GPC5: variants seen among roughly 807,000 people sequenced by gnomAD.
The protein encoded by GPC5 is glypican 5.
GPC5 carries 47 observed loss-of-function variants against 53.9 expected under a neutral mutation model. That is an observed-to-expected ratio of 0.87 (90% CI 0.69 to 1.11). The LOEUF (loss-of-function observed/expected upper bound fraction) is 1.11, where lower values mean the gene tolerates loss of function less well. Ranked by LOEUF, GPC5 falls within the 50% of genes most tolerant of loss-of-function variation. The pLI is 0.00. For missense variants in GPC5, 748 were observed against 713.1 expected (o/e 1.05, Z -0.56); for synonymous variants, 286 against 263.3 (o/e 1.09, Z -0.84).
chr13:91,766,901 T>C (rs1177185836), intron 5 of GPC5, among the ~76,000 whole-genome samples: 9 of 152,136 alleles, frequency 5.9e-5, no homozygotes, highest in Non-Finnish European at 1.3e-4. Flanking sequence ...TACCTAATAT[T>C]TGAAAATTAA....
At chr13:92,535,513 A>G (rs1043532657) in intron 7 of GPC5, among the ~76,000 whole-genome samples, 5 of 152,062 alleles carry the variant, frequency 3.3e-5, no homozygotes, top group African/African-American at 1.2e-4. Context: ...AATCGTGATG[A>G]ATGAGGGTTC....
intron 2 of GPC5, among the ~76,000 whole-genome samples, chr13:91,500,270 C>T (rs1005010567): frequency 6.6e-6 from 1 of 152,186 alleles, no homozygotes; most frequent in Non-Finnish European, 1.5e-5. Context: ...TGGCATGTAG[C>T]ATTTAGTCAA....
intron 2 of GPC5, among the ~76,000 whole-genome samples, chr13:91,517,872 T>C (rs954248936): frequency 5.3e-5 from 8 of 152,154 alleles, no homozygotes; most frequent in African/African-American, 1.7e-4. Context: ...ACCCATCAGA[T>C]CTTGTGAGAC....
intron 7 of GPC5, among the ~76,000 whole-genome samples, chr13:92,199,563 C>A (rs1271068187): frequency 6.6e-6 from 1 of 152,130 alleles, no homozygotes; most frequent in Non-Finnish European, 1.5e-5. Context: ...ATACTGTCTA[C>A]TTTCAATTAG....
intron 7 of GPC5, among the ~76,000 whole-genome samples, chr13:92,756,432 G>T (rs2139333074): frequency 6.6e-6 from 1 of 151,686 alleles, no homozygotes; most frequent in East Asian, 2.0e-4. Context: ...AGACAGGGAT[G>T]CCCTCTCTCA....
chr13:92,780,235 T>C (rs1010398795), intron 7 of GPC5, among the ~76,000 whole-genome samples: 17 of 151,972 alleles, frequency 1.1e-4, no homozygotes, highest in African/African-American at 4.1e-4. Flanking sequence ...TTTGCTACAA[T>C]GTCTTTGATT....
At chr13:92,500,738 C>G (rs911098557) in intron 7 of GPC5, among the ~76,000 whole-genome samples, 6 of 152,134 alleles carry the variant, frequency 3.9e-5, no homozygotes, top group African/African-American at 7.2e-5. Context: ...TAGCTGTGGC[C>G]TCAAGAGGAT....
intron 7 of GPC5, among the ~76,000 whole-genome samples, chr13:92,591,992 C>T (rs985220864): frequency 2.0e-5 from 3 of 152,160 alleles, no homozygotes; most frequent in Non-Finnish European, 4.4e-5. Context: ...CCTGAAGTGG[C>T]TGGCAGTATG....
chr13:92,606,800 T>C (rs1002200886), intron 7 of GPC5, among the ~76,000 whole-genome samples: 2 of 152,142 alleles, frequency 1.3e-5, no homozygotes, highest in African/African-American at 4.8e-5. Context: ...TTTTTCACTT[T>C]CCTCAAGAAT....
chr13:92,418,977 G>T (rs1876439222), intron 7 of GPC5, among the ~76,000 whole-genome samples: 1 of 152,272 alleles, frequency 6.6e-6, no homozygotes, highest in South Asian at 2.1e-4. Context: ...AGTAAACATT[G>T]CTTGTCTAAT....
At chr13:92,193,878 G>GGTAATTA (rs373068969) in intron 7 of GPC5, among the ~76,000 whole-genome samples, 304 of 152,180 alleles carry the variant, frequency 2.0e-3, no homozygotes, top group African/African-American at 6.9e-3. Flanking sequence ...TTGTTGCACA[G>GGTAATTA]GTAATTACGT....
At chr13:92,082,788 A>G (rs932718975) in intron 6 of GPC5, among the ~76,000 whole-genome samples, 11 of 152,196 alleles carry the variant, frequency 7.2e-5, no homozygotes, top group Non-Finnish European at 1.5e-4. Context: ...CAGATATACT[A>G]CCAGGTTATT....
chr13:92,362,058 A>G (rs2043572076), intron 7 of GPC5, among the ~76,000 whole-genome samples: 1 of 151,782 alleles, frequency 6.6e-6, no homozygotes, highest in Admixed American at 6.5e-5. Context: ...AAGAATAACT[A>G]TTATTACTAC....
intron 5 of GPC5, among the ~76,000 whole-genome samples, chr13:91,822,153 T>C (rs2038505676): frequency 6.6e-6 from 1 of 152,180 alleles, no homozygotes; most frequent in African/African-American, 2.4e-5. Context: ...GCATGTAGTA[T>C]ACAGACATCC....
intron 2 of GPC5, among the ~76,000 whole-genome samples, chr13:91,600,572 T>G (rs1266152154): frequency 6.6e-6 from 1 of 152,084 alleles, no homozygotes; most frequent in African/African-American, 2.4e-5. Context: ...AAATAATGTT[T>G]ATGAGAATCA....
chr13:92,831,435 A>G (rs1878041267), intron 7 of GPC5, among the ~76,000 whole-genome samples: 1 of 152,148 alleles, frequency 6.6e-6, no homozygotes. Context: ...TTCAGATTGT[A>G]AACTCCATTA....
chr13:92,347,579 T>A (rs141573555), intron 7 of GPC5, among the ~76,000 whole-genome samples: 4 of 151,520 alleles, frequency 2.6e-5, no homozygotes, highest in Admixed American at 6.6e-5. Flanking sequence ...AAATTAATAA[T>A]GATACATATG....
At chr13:91,517,885 A>G (rs1417439063) in intron 2 of GPC5, among the ~76,000 whole-genome samples, 1 of 152,162 alleles carries the variant, frequency 6.6e-6, no homozygotes, top group Non-Finnish European at 1.5e-5. Flanking sequence ...TGTGAGACTT[A>G]TTTACTATCA....
intron 6 of GPC5, among the ~76,000 whole-genome samples, chr13:92,073,064 A>G (rs1429785664): frequency 1.3e-5 from 2 of 152,098 alleles, no homozygotes. Flanking sequence ...ATTTCTCACC[A>G]TCACTTTTCC....
Sources: gnomAD v4.1 joint callset for allele counts (sites outside exome capture counted in the v4.1 genomes callset) on GRCh38, gnomAD v4.1.1 for gene constraint, MANE v1.5 for transcripts, NCBI Gene and HGNC (gene_info 2026-07-23, HGNC 2026-07-21) for gene names.